The following EML1 variants were observed in gnomAD, a reference collection of about 807,000 sequenced individuals.
EML1 encodes echinoderm microtubule-associated protein-like 1.
In EML1, 27 loss-of-function variants were observed where a neutral mutation model predicts 110.4. The observed-to-expected ratio is 0.24, with a 90% CI of 0.18 to 0.34. The LOEUF (loss-of-function observed/expected upper bound fraction) is 0.34. Ranked by LOEUF, EML1 falls within the 10% of genes least tolerant of loss-of-function variation. The pLI is 1.00. For synonymous variants in EML1, 344 were observed against 385.8 expected, an observed-to-expected ratio of 0.89 and a Z score of 1.27; for missense variants, 741 against 1,030.9, an observed-to-expected ratio of 0.72 and a Z score of 3.85.
intron 1 of EML1, among the ~76,000 whole-genome samples, chr14:99,813,074 A>G (rs1404668437): frequency 6.6e-6 from 1 of 152,086 alleles, no homozygotes; most frequent in Non-Finnish European, 1.5e-5. Flanking sequence ...TGGCCCAGGA[A>G]CCGTAGTTAG....
intron 1 of EML1, among the ~76,000 whole-genome samples, chr14:99,810,652 C>G (rs1172063839): frequency 2.0e-5 from 3 of 152,318 alleles, no homozygotes; most frequent in Middle Eastern, 3.4e-3. Context: ...GGACAAATCA[C>G]GTGACCTTGT....
At chr14:99,790,099 T>C (rs1457086986), upstream of EML1, among the ~76,000 whole-genome samples, 1 of 152,218 alleles carries the variant, frequency 6.6e-6, no homozygotes, top group Non-Finnish European at 1.5e-5. Context: ...TTTAATACTC[T>C]AGGTTAAGAG....
chr14:99,791,621 G>GC (rs2057673664), upstream of EML1, among the ~76,000 whole-genome samples: 1 of 152,170 alleles, frequency 6.6e-6, no homozygotes, highest in African/African-American at 2.4e-5. Context: ...TGGTCCTATA[G>GC]CAACTTCCCT....
chr14:99,933,206 C>T (rs1462776601), intron 17 of EML1, among the ~76,000 whole-genome samples: 2 of 152,102 alleles, frequency 1.3e-5, no homozygotes, highest in African/African-American at 2.4e-5. Context: ...GATGGCGTGT[C>T]GCTCTGTCGC....
Position 99,907,586 on chromosome 14 carries a change from C to T in EML1, c.1009-52C>T. The T allele has an allele frequency of 2.7e-6, 4 of 1,505,424 alleles. No homozygotes were observed. The Admixed American group carries it at 7.2e-5, about 27-fold the overall frequency. The allele number at this position is 1,505,424 out of a possible 1,614,324, so 93.3% of individuals were successfully genotyped here. On this transcript the variant is annotated intron_variant, in intron 9 of 21. Coordinates refer to ENST00000262233, the MANE Select transcript of EML1 (RefSeq NM_004434.3). ...TTTGATGTTTATTTTTAATCATGTT[C>T]AACCCACTTTATTCTCAGATATAGT...
chr14:99,747,280 A>C (rs897307199), intron 1 of EML1, among the ~76,000 whole-genome samples: 3 of 152,012 alleles, frequency 2.0e-5, no homozygotes, highest in African/African-American at 7.2e-5. Context: ...AATGTATAGA[A>C]ATGGCGAGGA....
At chr14:99,812,999 C>A (rs562578493) in intron 1 of EML1, among the ~76,000 whole-genome samples, 1 of 152,178 alleles carries the variant, frequency 6.6e-6, no homozygotes, top group Non-Finnish European at 1.5e-5. Flanking sequence ...CACTGCGTAA[C>A]CTCCACATCC....
intron 17 of EML1, among the ~76,000 whole-genome samples, chr14:99,924,605 T>A (rs2060200234): frequency 6.6e-6 from 1 of 152,242 alleles, no homozygotes; most frequent in Non-Finnish European, 1.5e-5. Flanking sequence ...GACCACAGGT[T>A]ACTGAAACCA....
chr14:99,834,159 C>A (rs933899959), intron 1 of EML1, among the ~76,000 whole-genome samples: 1 of 152,092 alleles, frequency 6.6e-6, no homozygotes, highest in African/African-American at 2.4e-5. Flanking sequence ...ATTTATTGAC[C>A]TGATTACCTC....
At chr14:99,829,900 G>A (rs2058420992) in intron 1 of EML1, among the ~76,000 whole-genome samples, 1 of 152,134 alleles carries the variant, frequency 6.6e-6, no homozygotes. Flanking sequence ...TCCATCCATG[G>A]ACATTTGGGT....
chr14:99,828,648 C>T (rs1042458034), intron 1 of EML1, among the ~76,000 whole-genome samples: 5 of 152,058 alleles, frequency 3.3e-5, no homozygotes, highest in African/African-American at 9.7e-5. Context: ...GGGTGCTAAT[C>T]CCCACACAGT....
intron 17 of EML1, among the ~76,000 whole-genome samples, chr14:99,927,632 T>G (rs1169948232): frequency 6.6e-6 from 1 of 151,894 alleles, no homozygotes; most frequent in Non-Finnish European, 1.5e-5. Context: ...CATCTACAAT[T>G]TTGGTACCCA....
intron 1 of EML1, among the ~76,000 whole-genome samples, chr14:99,843,385 T>C (rs1019400197): frequency 5.9e-5 from 9 of 152,116 alleles, no homozygotes; most frequent in African/African-American, 2.2e-4. Context: ...CACATAGGAA[T>C]TTTGTTAAAC....
intron 7 of EML1, 69 bp from the exon 8 acceptor site, chr14:99,898,164 A>C (rs2059702316): frequency 1.5e-6 from 2 of 1,341,054 alleles, no homozygotes; most frequent in African/African-American, 3.0e-5. Context: ...TGACTAGATT[A>C]TATTTGAGCA....
chr14:99,892,010 C>G, intron 5 of EML1: 1 of 319,604 alleles, frequency 3.1e-6, no homozygotes, highest in Non-Finnish European at 4.5e-6. Flanking sequence ...TTGTCAGGAT[C>G]CCTGAACCGT....
At chr14:99,761,988 C>T (rs766178529) in intron 1 of EML1, among the ~76,000 whole-genome samples, 1 of 150,966 alleles carries the variant, frequency 6.6e-6, no homozygotes, top group African/African-American at 2.4e-5. Flanking sequence ...GTGACAAAAT[C>T]TAGCACTTGG....
In EML1 at chr14:99,754,794, C is replaced by G. The variant is rs568703528; in HGVS notation, c.28+16934C>G. On this transcript the variant is annotated intron_variant, in intron 1 of 10. Transcript: ENST00000554479. ...TAACGTGGGATGAGGACTATGGAGC[C>G]CACGCAGTGCTGGAGAAACTTCTCC... Among the ~76,000 whole-genome samples the G allele has an allele frequency of 4.6e-5, 7 of 152,246 alleles. No homozygotes were observed. In the Middle Eastern group the frequency reaches 0.017, roughly 370 times the overall value.
At chr14:99,847,845 G>T (rs1374558896) in intron 1 of EML1, among the ~76,000 whole-genome samples, 3 of 150,914 alleles carry the variant, frequency 2.0e-5, no homozygotes, top group Non-Finnish European at 2.9e-5. Context: ...TATTTCCATG[G>T]TATATATTTT....
chr14:99,878,301 G>A (rs1433381139), intron 3 of EML1, among the ~76,000 whole-genome samples, 184 bp from the exon 4 acceptor site: 2 of 152,152 alleles, frequency 1.3e-5, no homozygotes, highest in Non-Finnish European at 2.9e-5. Context: ...AGTTAAAAAG[G>A]CAGAGAGAGA....
Sources: gnomAD v4.1 joint callset for allele counts (sites outside exome capture counted in the v4.1 genomes callset) on GRCh38, gnomAD v4.1.1 for gene constraint, MANE v1.5 for transcripts, NCBI Gene and HGNC (gene_info 2026-07-23, HGNC 2026-07-21) for gene names.